HERC2: variants seen among roughly 807,000 people sequenced by gnomAD.
HERC2 encodes the protein HECT and RLD domain containing E3 ubiquitin protein ligase 2, also known as E3 ubiquitin-protein ligase HERC2.
A neutral mutation model predicts 537.7 loss-of-function variants in HERC2; 102 were observed. The observed-to-expected ratio is 0.19, with a 90% CI of 0.16 to 0.22. The LOEUF is 0.22. Ranked by LOEUF, HERC2 falls within the 10% of genes least tolerant of loss-of-function variation. The probability of loss-of-function intolerance (pLI) is 1.00; values close to 1 mark genes in which losing one functional copy is unlikely to be tolerated. For synonymous variants in HERC2, 2,224 were observed against 2,466.2 expected (o/e 0.90, Z 2.91); for missense variants, 4,236 against 6,198.2 (o/e 0.68, Z 10.63).
Position 28,245,602 on chromosome 15 carries a change from CACAGAT to C in HERC2, c.3577+273_3577+278del, listed in dbSNP as rs1298173765. The stretch of plus-strand genomic sequence containing the variant: ...ACACACACACACACACACACACACA[CACAGAT>C]ATATATATACACACACATATATGTA... On this transcript the variant is annotated intron_variant, in intron 23 of 92. Transcript: ENST00000261609. Among the ~76,000 whole-genome samples, 7 of 142,952 alleles carry C rather than the reference CACAGAT, an allele frequency of 4.9e-5. No individual in the cohort carries two copies. In the East Asian group the frequency reaches 6.4e-4, roughly 13 times the overall value. The allele number at this position is 142,952 out of a possible 152,430, so 93.8% of individuals were successfully genotyped here. A position where few individuals can be genotyped will look rare whatever the true frequency, so the allele number is the denominator to read the frequency against.
intron 48 of HERC2, among the ~76,000 whole-genome samples, chr15:28,200,578 G>A (rs918560049): frequency 9.2e-5 from 14 of 152,116 alleles, no homozygotes; most frequent in Admixed American, 7.9e-4. Flanking sequence ...AAGACAAGGG[G>A]GAACCACTCT....
chr15:28,238,797 G>T (rs775744506), intron 23 of HERC2, 25 bp from the exon 24 acceptor site: 6 of 1,533,982 alleles, frequency 3.9e-6, no homozygotes, highest in Non-Finnish European at 5.4e-6. Flanking sequence ...ACCAGAATCA[G>T]TCCATTGATC....
At chr15:28,118,841 C>T (rs949053106) in intron 86 of HERC2, among the ~76,000 whole-genome samples, 5 of 152,212 alleles carry the variant, frequency 3.3e-5, no homozygotes, top group Non-Finnish European at 7.3e-5. Context: ...AAAATTTCCT[C>T]GCTTTGGGAG....
intron 7 of HERC2, chr15:28,273,276 AT>A (rs2075788618): frequency 2.0e-6 from 1 of 493,692 alleles, no homozygotes; most frequent in South Asian, 2.3e-5. Context: ...AAAATAATTT[AT>A]CTCATTATCA....
intron 23 of HERC2, among the ~76,000 whole-genome samples, chr15:28,241,420 A>C (rs975949975): frequency 2.0e-5 from 3 of 152,172 alleles, no homozygotes; most frequent in Non-Finnish European, 2.9e-5. Context: ...TGACAGGAAC[A>C]TAAAATGGTG....
At chr15:28,171,885 T>G (rs1046225698) in intron 65 of HERC2, among the ~76,000 whole-genome samples, 2 of 151,998 alleles carry the variant, frequency 1.3e-5, no homozygotes, top group East Asian at 3.9e-4. Context: ...CTGTCCTGGC[T>G]AACACGGTGA....
At chr15:28,168,665 C>T (rs1894396494) in intron 66 of HERC2, 75 bp from the exon 67 acceptor site, 4 of 1,358,604 alleles carry the variant, frequency 2.9e-6, no homozygotes, top group African/African-American at 1.5e-5. Context: ...AGAGGCAGGG[C>T]TAGCACGCAC....
intron 50 of HERC2, 109 bp from the exon 51 acceptor site, chr15:28,196,678 A>G (rs1596193431): frequency 1.6e-6 from 1 of 631,726 alleles, no homozygotes; most frequent in African/African-American, 1.8e-5. Context: ...TTTGTTTTTT[A>G]CAAAGAGTCT....
At chr15:28,288,300 T>C (rs2076214757) in intron 4 of HERC2, among the ~76,000 whole-genome samples, 1 of 151,776 alleles carries the variant, frequency 6.6e-6, no homozygotes, top group Non-Finnish European at 1.5e-5. Flanking sequence ...CCGAGGTGGG[T>C]GGATCACCTG....
chr15:28,187,387 A>G (rs1044497809), intron 55 of HERC2, among the ~76,000 whole-genome samples: 7 of 151,342 alleles, frequency 4.6e-5, no homozygotes, highest in African/African-American at 1.7e-4. Context: ...GCTGGAGTGC[A>G]GTGGTGCAAT....
In HERC2 at chr15:28,268,597, C is replaced by G; in HGVS notation, c.1466G>C (p.Gly489Ala). 1 of 1,614,084 alleles carries G rather than the reference C, an allele frequency of 6.2e-7. No individual in the cohort carries two copies. Residue 489 changes from glycine (G) to alanine (A), a missense_variant, in exon 12 of 93, where the codon GGC (glycine) becomes GCC (alanine). By Grantham distance (60) the Gly-to-Ala change is moderately conservative (BLOSUM62 0). This residue lies in a region of HERC2 where 754 missense variants were observed against 1,085.0 expected (regional missense o/e 0.69). Transcript: ENST00000261609. This position sits in a 1 kb window ranked among gnomAD's most constrained non-coding sequence, Gnocchi z 4.7. ...TTTTACAATGTTTCTGGAGGCAAGG[C>G]CTTGGACCAGCTGTGGGGCCTAAAG... ...SDTLAPQLVQ[G>A]LASRNIVKIA... is the part of the protein sequence containing the mutation.
intron 14 of HERC2, among the ~76,000 whole-genome samples, chr15:28,263,709 T>C (rs1216615452): frequency 6.6e-6 from 1 of 152,180 alleles, no homozygotes; most frequent in African/African-American, 2.4e-5. Context: ...CTGAAAACTT[T>C]GCAAAAACTT....
chr15:28,191,144 A>G lies in HERC2; in HGVS notation c.8552T>C (p.Val2851Ala). 1 of 1,611,046 alleles carries G rather than the reference A, an allele frequency of 6.2e-7. No individual in the cohort carries two copies. The highest frequency in any genetic ancestry group is 8.5e-7 in the Non-Finnish European group (1 of 1,177,170). The change falls in exon 54 of 93, where the codon GTG becomes GCG. Residue 2851 changes from valine to alanine, a missense_variant. Coordinates refer to ENST00000261609, the MANE Select transcript of HERC2 (RefSeq NM_004667.6). ...AGGTAAACTAACTGAATTACCTGAC[A>G]CTACAACCAGGGACGGCATGTAGCT... is the stretch of plus-strand genomic sequence containing the variant. ...DSSYMPSLVV[V>A]SGGNSLNNLI...
intron 67 of HERC2, 150 bp downstream of exon 67, chr15:28,168,257 C>T: frequency 1.4e-6 from 1 of 693,406 alleles, no homozygotes. Flanking sequence ...TTAAAAGCTC[C>T]TTTACAGAGA....
intron 90 of HERC2, among the ~76,000 whole-genome samples, chr15:28,114,235 C>A (rs1887975895): frequency 6.6e-6 from 1 of 152,192 alleles, no homozygotes; most frequent in African/African-American, 2.4e-5. Flanking sequence ...CACAGTCACA[C>A]CTGGGCGCCT....
rs180980327 is a variant in HERC2 at position 28,315,605 on chromosome 15, C to A, written c.72+5757G>T. 386 of 501,144 alleles carry A rather than the reference C, an allele frequency of 7.7e-4. 1 individual carries two copies. The highest frequency in any genetic ancestry group is 6.5e-3 in the African/African-American group (345 of 53,094). The allele number at this position is 501,144 out of a possible 1,614,324, so 31.0% of individuals were successfully genotyped here. ...CTCAGGAGTTCAAGACCAGCCTGGG[C>A]AACATGGTGAAACCCCATCTCTACT... is the stretch of plus-strand genomic sequence containing the variant. On this transcript the variant is annotated intron_variant, in intron 2 of 92. Coordinates refer to ENST00000261609, the MANE Select transcript of HERC2 (RefSeq NM_004667.6).
chr15:28,149,764 C>T (rs1406180612), intron 70 of HERC2, among the ~76,000 whole-genome samples: 8 of 151,750 alleles, frequency 5.3e-5, no homozygotes, highest in African/African-American at 4.8e-5. Context: ...CAACCAAGAA[C>T]GGTCACACCA....
intron 78 of HERC2, among the ~76,000 whole-genome samples, chr15:28,137,660 C>T (rs1433015790): frequency 3.9e-5 from 6 of 152,166 alleles, no homozygotes; most frequent in Non-Finnish European, 8.8e-5. Flanking sequence ...CTCCGCCAAC[C>T]AGCTGTTCTC....
rs760169024 is a variant in HERC2 at position 28,254,312 on chromosome 15, A to G, written c.3050+28T>C. Reference sequence around the variant, plus strand: ...ACAAAAAAAAGTAAATAAATAACATATAATACAATACAGCTACTACGATTT... The same window carrying G: ...ACAAAAAAAAGTAAATAAATAACATGTAATACAATACAGCTACTACGATTT... On this transcript the variant is annotated intron_variant, in intron 20 of 92. Coordinates refer to ENST00000261609, the MANE Select transcript of HERC2 (RefSeq NM_004667.6). The G allele has an allele frequency of 3.4e-5, 50 of 1,478,990 alleles. No homozygotes were observed. In the East Asian group the frequency reaches 1.1e-3, roughly 32 times the overall value. 91.6% of individuals were successfully genotyped at this position (1,478,990 alleles called of 1,614,324 possible). A position where few individuals can be genotyped will look rare whatever the true frequency, so the allele number is the denominator to read the frequency against.
Sources: allele counts gnomAD v4.1 joint callset (sites outside exome capture counted in the v4.1 genomes callset), GRCh38; gene constraint gnomAD v4.1.1; regional missense constraint gnomAD v4.1.1; non-coding constraint Gnocchi (gnomAD v3.1); transcripts MANE v1.5; gene names NCBI Gene and HGNC (gene_info 2026-07-23, HGNC 2026-07-21).